The following HIPK3 variants were observed in gnomAD, a reference collection of about 807,000 sequenced individuals.
HIPK3 encodes the protein homeodomain interacting protein kinase 3, also known as homeodomain-interacting protein kinase 3.
Under a neutral mutation model 124.2 loss-of-function variants are expected in HIPK3, and 47 were observed. The ratio of observed to expected loss-of-function variants is 0.38; its 90% CI spans 0.30 to 0.48. The LOEUF is 0.48. Ranked by LOEUF, HIPK3 falls within the 20% of genes least tolerant of loss-of-function variation. The pLI is 0.98. For synonymous variants in HIPK3, 482 were observed against 515.2 expected, an observed-to-expected ratio of 0.94 and a Z score of 0.87; for missense variants, 1,286 against 1,454.3, an observed-to-expected ratio of 0.88 and a Z score of 1.88.
At chr11:33,278,711 G>T (rs1851333230) in intron 1 of HIPK3, among the ~76,000 whole-genome samples, 2 of 152,136 alleles carry the variant, frequency 1.3e-5, no homozygotes, top group South Asian at 4.1e-4. Context: ...GGGCGTGGTG[G>T]TGGACGCCTG....
At position 33,349,263 on chromosome 11, in the gene HIPK3, C is replaced by T. The variant is rs747827163; in HGVS notation, c.2783C>T (p.Pro928Leu). 2 of 1,613,538 alleles carry T rather than the reference C, an allele frequency of 1.2e-6. No homozygotes were observed. Among genetic ancestry groups the T allele is most frequent in the South Asian group, 2.2e-5 (2 of 91,064 alleles). The change falls in exon 14 of 17, where the codon CCA becomes CTA. Residue 928 changes from proline (P) to leucine (L), a missense_variant. Around this residue, in one of 3 missense-constraint regions of HIPK3, gnomAD observed 810 missense variants for 864.9 expected, o/e 0.94. Coordinates refer to ENST00000303296, the MANE Select transcript of HIPK3 (RefSeq NM_005734.5). ...ACCAGCTCCTCAGGGCAGTCCAGCC[C>T]ATCCCCCTGCAAGAGACCGAATAGG... ...LSTSSSGQSSPSPCKRPNSMS... is the reference protein window; with the variant it reads ...LSTSSSGQSSLSPCKRPNSMS...
chr11:33,267,640 C>T (rs1851006855), intron 1 of HIPK3, among the ~76,000 whole-genome samples: 1 of 149,282 alleles, frequency 6.7e-6, no homozygotes, highest in African/African-American at 2.5e-5. Context: ...GGACTAGGCT[C>T]CCGCCACCAC....
chr11:33,301,225 C>T (rs571827767), intron 2 of HIPK3, among the ~76,000 whole-genome samples: 2 of 152,220 alleles, frequency 1.3e-5, no homozygotes, highest in African/African-American at 4.8e-5. Context: ...CCTGCCACTC[C>T]TAATTTAGTA....
chr11:33,328,697 A>C, intron 3 of HIPK3, 64 bp downstream of exon 3: 1 of 1,469,978 alleles, frequency 6.8e-7, no homozygotes, highest in Non-Finnish European at 9.5e-7. Context: ...GACTTACAGG[A>C]ACACATGGCT....
At chr11:33,336,627 T>C (rs549843889) in intron 3 of HIPK3, among the ~76,000 whole-genome samples, 1 of 152,366 alleles carries the variant, frequency 6.6e-6, no homozygotes, top group East Asian at 1.9e-4. Flanking sequence ...CTTAATTTGC[T>C]GATAAAGCCC....
In HIPK3 at chr11:33,353,731, T is replaced by C. The variant is rs1853741863; in HGVS notation, c.*163T>C. ...TTAAAAACTCACTTTTGATGTGTTT[T>C]GCACATTTGGTATAACTTGTCTTTG... On this transcript the variant is annotated 3_prime_UTR_variant, in exon 17 of 17. Coordinates refer to ENST00000303296, the MANE Select transcript of HIPK3 (RefSeq NM_005734.5). The C allele has an allele frequency of 3.4e-6, 2 of 595,466 alleles. No individual in the cohort carries two copies. Among genetic ancestry groups the C allele is most frequent in the East Asian group, 2.8e-5 (1 of 35,096 alleles). 36.9% of individuals were successfully genotyped at this position (595,466 alleles called of 1,614,324 possible). A position where few individuals can be genotyped will look rare whatever the true frequency, so the allele number is the denominator to read the frequency against.
rs199856578 is a variant in HIPK3 at position 33,287,486 on chromosome 11, A to G, written c.1072A>G (p.Thr358Ala). Reference sequence around the variant, plus strand: ...TCATGTATCAAAGACTGTTTGTTCAACATATCTACAATCTCGGTACTACAG... The same window carrying G: ...TCATGTATCAAAGACTGTTTGTTCAGCATATCTACAATCTCGGTACTACAG... ...ASHVSKTVCS[T>A]YLQSRYYRAP... The change falls in exon 2 of 17, where the codon ACA becomes GCA. Residue 358 changes from threonine to alanine, a missense_variant. Physicochemically the swap from Thr to Ala is moderately conservative, Grantham distance 58. This residue lies in a region of HIPK3 where 251 missense variants were observed against 349.1 expected (regional missense o/e 0.72). Transcript: ENST00000303296. 45 of 1,611,864 alleles carry G rather than the reference A, an allele frequency of 2.8e-5. No individual in the cohort carries two copies. Among genetic ancestry groups the G allele is most frequent in the African/African-American group, 4.0e-5 (3 of 74,848 alleles).
At chr11:33,322,401 A>G (rs1223588188) in intron 2 of HIPK3, among the ~76,000 whole-genome samples, 2 of 152,246 alleles carry the variant, frequency 1.3e-5, no homozygotes, top group Non-Finnish European at 2.9e-5. Context: ...TTGGATTGCC[A>G]GTATATGAGC....
intron 3 of HIPK3, among the ~76,000 whole-genome samples, chr11:33,331,367 C>T (rs1276797182): frequency 6.6e-6 from 1 of 152,014 alleles, no homozygotes; most frequent in Non-Finnish European, 1.5e-5. Context: ...CTTGGACACC[C>T]CAACTGGGGA....
At chr11:33,310,141 G>A (rs1323940788) in intron 2 of HIPK3, among the ~76,000 whole-genome samples, 1 of 151,986 alleles carries the variant, frequency 6.6e-6, no homozygotes, top group Non-Finnish European at 1.5e-5. Flanking sequence ...TTGTTTTTTA[G>A]CATTGGTCCT....
intron 2 of HIPK3, among the ~76,000 whole-genome samples, chr11:33,308,414 A>T (rs546322785): frequency 1.4e-4 from 21 of 152,262 alleles, no homozygotes; most frequent in African/African-American, 5.1e-4. Flanking sequence ...ATTTCAACGT[A>T]TATTTTCTCC....
At chr11:33,260,057 T>G (rs1293554767) in intron 1 of HIPK3, among the ~76,000 whole-genome samples, 1 of 152,186 alleles carries the variant, frequency 6.6e-6, no homozygotes, top group Non-Finnish European at 1.5e-5. Flanking sequence ...ATTACCTTGC[T>G]TATAAACTGG....
rs909704324 is a variant in HIPK3 at position 33,302,496 on chromosome 11, C to T, written c.1097+14985C>T. Among the ~76,000 whole-genome samples the T allele has an allele frequency of 3.3e-5, 5 of 152,028 alleles. No homozygotes were observed. In the East Asian group the frequency reaches 9.6e-4, roughly 29 times the overall value. On this transcript the variant is annotated intron_variant, in intron 2 of 16. Transcript: ENST00000303296. Reference sequence around the variant, plus strand: ...GAATTAGAGGCACCTGCCATCACACCTGGCTAATTTTTGTATTTTTAGTAG... The same window carrying T: ...GAATTAGAGGCACCTGCCATCACACTTGGCTAATTTTTGTATTTTTAGTAG...
intron 2 of HIPK3, among the ~76,000 whole-genome samples, chr11:33,296,741 G>C (rs1299077308): frequency 6.6e-6 from 1 of 152,122 alleles, no homozygotes; most frequent in Non-Finnish European, 1.5e-5. Flanking sequence ...TGTGAGCTCC[G>C]ACTGCTCTAA....
At chr11:33,260,238 G>A (rs1189681713) in intron 1 of HIPK3, among the ~76,000 whole-genome samples, 2 of 152,104 alleles carry the variant, frequency 1.3e-5, no homozygotes, top group Non-Finnish European at 1.5e-5. Context: ...TGCAAGTATG[G>A]CGTGGGCACA....
At position 33,338,907 on chromosome 11, in the gene HIPK3, G is replaced by C. The variant is rs139687228; in HGVS notation, c.1428+64G>C. On this transcript the variant is annotated intron_variant, in intron 5 of 16. Transcript: ENST00000303296. Reference sequence around the variant, plus strand: ...AGATGGTAGACTTGAATGCCAAGGGGCCCAAAACATGTTACTCAGTTTTTA... The same window carrying C: ...AGATGGTAGACTTGAATGCCAAGGGCCCCAAAACATGTTACTCAGTTTTTA... 2,490 of 1,125,516 alleles carry C rather than the reference G, an allele frequency of 2.2e-3. 38 individuals carry two copies. In the African/African-American group the frequency reaches 0.032, roughly 14 times the overall value. The allele number at this position is 1,125,516 out of a possible 1,614,324, so 69.7% of individuals were successfully genotyped here.
rs772585389 is a variant in HIPK3 at position 33,286,413 on chromosome 11, G to A, written c.-2G>A. The A allele has an allele frequency of 9.6e-6, 13 of 1,347,936 alleles. No individual in the cohort carries two copies. The Admixed American group carries it at 3.9e-4, about 41-fold the overall frequency. 83.5% of individuals were successfully genotyped at this position (1,347,936 alleles called of 1,614,324 possible). On this transcript the variant is annotated splice_region_variant and 5_prime_UTR_variant, in exon 2 of 17. Transcript: ENST00000303296. ...TTCCTTTTTTTTTTTTTTTTTGCAGGTATGGCCTCACAAGTCTTGGTCTAC... is the reference window on the plus strand; with the variant it reads ...TTCCTTTTTTTTTTTTTTTTTGCAGATATGGCCTCACAAGTCTTGGTCTAC...
chr11:33,300,300 A>G (rs1449455033), intron 2 of HIPK3, among the ~76,000 whole-genome samples: 1 of 151,640 alleles, frequency 6.6e-6, no homozygotes, highest in African/African-American at 2.4e-5. Context: ...GAGCTGAGAG[A>G]TCTTGCCAGT....
chr11:33,265,408 C>T (rs140933226), intron 1 of HIPK3, among the ~76,000 whole-genome samples: 30 of 152,216 alleles, frequency 2.0e-4, no homozygotes, highest in Non-Finnish European at 3.8e-4. Flanking sequence ...TGTAGCTGAT[C>T]ACAGACTGTG....
Sources: gnomAD v4.1 joint callset for allele counts (sites outside exome capture counted in the v4.1 genomes callset) on GRCh38, gnomAD v4.1.1 for gene constraint, gnomAD v4.1.1 regional missense constraint, MANE v1.5 for transcripts, NCBI Gene and HGNC (gene_info 2026-07-23, HGNC 2026-07-21) for gene names.